The following GP2 variants were observed in gnomAD, a reference collection of about 807,000 sequenced individuals.
The protein encoded by GP2 is pancreatic secretory granule membrane major glycoprotein GP2.
In GP2, 58 loss-of-function variants were observed where a neutral mutation model predicts 60.8. That is an observed-to-expected ratio of 0.95 (90% CI 0.77 to 1.19). The LOEUF is 1.19. Ranked by LOEUF, GP2 falls within the 50% of genes most tolerant of loss-of-function variation. GP2 has a pLI of 0.00. For synonymous variants in GP2, 280 were observed against 253.4 expected (o/e 1.10, Z -1.00); for missense variants, 647 against 667.4 (o/e 0.97, Z 0.34).
chr16:20,320,389 C>G lies in GP2; in HGVS notation c.731G>C (p.Gly244Ala), dbSNP rs749502475. The stretch of plus-strand genomic sequence containing the variant: ...GTAGGCAATGACCTCCTCCCCCAAA[C>G]CCAGGCCTCCCAGCAAACATTTGTC... Reference protein sequence around the residue: ...KVDKCLLGGLGLGEEVIAYLR... With the variant: ...KVDKCLLGGLALGEEVIAYLR... Residue 244 changes from glycine to alanine, a missense_variant, in exon 5 of 11, where the codon GGT becomes GCT. Transcript: ENST00000302555. 1 of 1,613,898 alleles carries G rather than the reference C, an allele frequency of 6.2e-7. No homozygotes were observed. The highest frequency in any genetic ancestry group is 8.5e-7 in the Non-Finnish European group (1 of 1,179,776).
intron 2 of GP2, among the ~76,000 whole-genome samples, chr16:20,325,596 A>G (rs1292430395): frequency 1.3e-5 from 2 of 152,212 alleles, no homozygotes; most frequent in African/African-American, 4.8e-5. Flanking sequence ...ACCAGGGTCA[A>G]GCTAATTGTC....
intron 7 of GP2, among the ~76,000 whole-genome samples, chr16:20,317,894 T>C (rs1434319200): frequency 6.6e-6 from 1 of 152,228 alleles, no homozygotes; most frequent in East Asian, 1.9e-4. Context: ...TGACCAGTGT[T>C]CACTTCTGTG....
rs890287918 is a variant in GP2 at position 20,311,273 on chromosome 16, C to G, written c.1555G>C (p.Val519Leu). The change falls in exon 11 of 11, where the codon GTG becomes CTG. Residue 519 changes from valine to leucine, a missense_variant. Physicochemically the swap from Val to Leu is conservative, Grantham distance 32 (BLOSUM62 1). Coordinates refer to ENST00000302555, the MANE Select transcript of GP2 (RefSeq NM_001502.4). ...NGTPSTAGFLVAWPMVLLTVL... is the reference protein window; with the variant it reads ...NGTPSTAGFLLAWPMVLLTVL... ...GTCAGGAGGACCATAGGCCAGGCCA[C>G]CAGGAACCCTGAAATACAAGAAATA... The G allele has an allele frequency of 6.2e-7, 1 of 1,603,420 alleles. No homozygotes were observed. The highest frequency in any genetic ancestry group is 8.5e-7 in the Non-Finnish European group (1 of 1,170,482).
intron 1 of GP2, 89 bp from the exon 2 acceptor site, chr16:20,326,556 A>G (rs1964541023): frequency 2.8e-6 from 3 of 1,068,038 alleles, no homozygotes; most frequent in Admixed American, 2.6e-5. Flanking sequence ...AAAGAGCTGC[A>G]TTGTTTCAAA....
At chr16:20,321,856 G>A (rs1964368069) in intron 4 of GP2, among the ~76,000 whole-genome samples, 1 of 152,160 alleles carries the variant, frequency 6.6e-6, no homozygotes, top group Non-Finnish European at 1.5e-5. Flanking sequence ...CTTGAGGCAG[G>A]CCACCTGCTC....
chr16:20,323,567 C>T (rs1335990985), intron 3 of GP2: 5 of 573,254 alleles, frequency 8.7e-6, no homozygotes, highest in South Asian at 6.3e-5. Flanking sequence ...AAAATCGGAA[C>T]GAGCATGAGT....
intron 9 of GP2, 72 bp from the exon 10 acceptor site, chr16:20,314,773 G>T (rs1313135821): frequency 2.9e-6 from 3 of 1,042,310 alleles, no homozygotes; most frequent in Admixed American, 3.4e-5. Context: ...GGCCATAACT[G>T]CTTCACATCC....
In GP2 at chr16:20,311,144, G is replaced by A. The variant is rs1225972298; in HGVS notation, c.*79C>T. ...TAATACCAAGCCTGTGTGAATTGGA[G>A]TGGAAAGCAGAAGTGCTGAAGGGAG... On this transcript the variant is annotated 3_prime_UTR_variant, in exon 11 of 11. Transcript: ENST00000302555. The A allele has an allele frequency of 2.3e-6, 2 of 868,446 alleles. No homozygotes were observed. Among genetic ancestry groups the A allele is most frequent in the East Asian group, 2.4e-5 (1 of 41,274 alleles). The allele number at this position is 868,446 out of a possible 1,614,324, so 53.8% of individuals were successfully genotyped here. A position where few individuals can be genotyped will look rare whatever the true frequency, so the allele number is the denominator to read the frequency against.
In GP2 at chr16:20,326,367, A is replaced by G. The variant is rs1964534696; in HGVS notation, c.65T>C (p.Ile22Thr). 1 of 1,613,738 alleles carries G rather than the reference A, an allele frequency of 6.2e-7. No individual in the cohort carries two copies. The highest frequency in any genetic ancestry group is 1.3e-5 in the African/African-American group (1 of 74,926). Reference protein sequence around the residue: ...GLLWLALVSCILTQASAVQRG... With the variant: ...GLLWLALVSCTLTQASAVQRG... The stretch of plus-strand genomic sequence containing the variant: ...CTGCACTGCAGATGCCTGGGTCAGA[A>G]TGCAGGAGACCAAGGCCAGCCACAG... Residue 22 changes from isoleucine (I) to threonine (T), a missense_variant, in exon 2 of 11, where the codon ATT (isoleucine) becomes ACT (threonine). Transcript: ENST00000302555.
intron 9 of GP2, among the ~76,000 whole-genome samples, 162 bp from the exon 10 acceptor site, chr16:20,314,863 T>C (rs146978365): frequency 0.013 from 2,035 of 152,284 alleles, 27 homozygotes; most frequent in Non-Finnish European, 0.018. Context: ...CAGGCACCTT[T>C]CTAGACACTT....
At chr16:20,327,313 A>G in intron 1 of GP2, 154 bp downstream of exon 1, 1 of 384,084 alleles carries the variant, frequency 2.6e-6, no homozygotes, top group South Asian at 2.1e-5. Flanking sequence ...TGAGTTGGAC[A>G]TAGAGTGGTA....
In GP2 at chr16:20,311,213, A is replaced by T. The variant is rs1963984684; in HGVS notation, c.*10T>A. 6.3e-7 allele frequency: 1 copy of T among 1,591,904 alleles called. No homozygotes were observed. The highest frequency in any genetic ancestry group is 8.6e-7 in the Non-Finnish European group (1 of 1,159,768). The stretch of plus-strand genomic sequence containing the variant: ...ACACAAACTTCAAGGCCAGATGCTC[A>T]GCGGAGCTCTCAGAACAGCCAAGCC... On this transcript the variant is annotated 3_prime_UTR_variant, in exon 11 of 11. Transcript: ENST00000302555.
Position 20,326,332 on chromosome 16 carries a change from A to T in GP2, c.94+6T>A. On this transcript the variant is annotated splice_donor_region_variant and intron_variant, in intron 2 of 10. Coordinates refer to ENST00000302555, the MANE Select transcript of GP2 (RefSeq NM_001502.4). Reference sequence around the variant, plus strand: ...ATCTGAGATGCCAGGTGAGCAGAATACTTACCTCGCTGCACTGCAGATGCC... The same window carrying T: ...ATCTGAGATGCCAGGTGAGCAGAATTCTTACCTCGCTGCACTGCAGATGCC... 1 of 1,613,370 alleles carries T rather than the reference A, an allele frequency of 6.2e-7. No individual in the cohort carries two copies. Among genetic ancestry groups the T allele is most frequent in the Non-Finnish European group, 8.5e-7 (1 of 1,179,326 alleles).
chr16:20,326,571 G>T, intron 1 of GP2, 104 bp from the exon 2 acceptor site: 1 of 938,456 alleles, frequency 1.1e-6, no homozygotes, highest in Non-Finnish European at 1.6e-6. Flanking sequence ...TTCAAAGTAG[G>T]TGTGACTTAT....
Position 20,310,847 on chromosome 16 carries a change from C to T in GP2, c.*376G>A, listed in dbSNP as rs568863711. On this transcript the variant is annotated 3_prime_UTR_variant, in exon 11 of 11. Coordinates refer to ENST00000302555, the MANE Select transcript of GP2 (RefSeq NM_001502.4). Reference sequence around the variant, plus strand: ...TCTCAACTCACTGCAACCTCCACCCCCTGAGTTCGAGCAATTCTCCTGCCT... The same window carrying T: ...TCTCAACTCACTGCAACCTCCACCCTCTGAGTTCGAGCAATTCTCCTGCCT... The T allele has an allele frequency of 6.5e-5, 12 of 183,324 alleles. 1 individual carries two copies. The South Asian group carries it at 9.7e-4, about 15-fold the overall frequency. The allele number at this position is 183,324 out of a possible 1,614,324, so 11.4% of individuals were successfully genotyped here. A position where few individuals can be genotyped will look rare whatever the true frequency, so the allele number is the denominator to read the frequency against.
rs1248934976 is a variant in GP2, at chr16:20,311,100, AGCTTGGCCTT to A, written c.*113_*122del. 11 of 677,024 alleles carry A rather than the reference AGCTTGGCCTT, an allele frequency of 1.6e-5. No homozygotes were observed. Among genetic ancestry groups the A allele is most frequent in the Non-Finnish European group, 2.7e-5 (10 of 371,386 alleles). 41.9% of individuals were successfully genotyped at this position (677,024 alleles called of 1,614,324 possible). ...GAAAGCTCTTCCCTTTTCCTAACCT[AGCTTGGCCTT>A]GATTCTATTAATACCAAGCCTGTGT... is the stretch of plus-strand genomic sequence containing the variant. On this transcript the variant is annotated 3_prime_UTR_variant, in exon 11 of 11. Coordinates refer to ENST00000302555, the MANE Select transcript of GP2 (RefSeq NM_001502.4).
At chr16:20,315,653 G>C (rs1005256874) in intron 9 of GP2, among the ~76,000 whole-genome samples, 2 of 152,166 alleles carry the variant, frequency 1.3e-5, no homozygotes, top group Non-Finnish European at 2.9e-5. Context: ...TGAGTAGGGG[G>C]ATCTTGGGCG....
At chr16:20,324,463 A>G (rs985072798) in intron 2 of GP2, among the ~76,000 whole-genome samples, 1 of 152,232 alleles carries the variant, frequency 6.6e-6, no homozygotes, top group Non-Finnish European at 1.5e-5. Context: ...CATTGAGGAC[A>G]TCAGGGCTAC....
At chr16:20,317,506 C>G (rs1964223120) in intron 7 of GP2, 131 bp from the exon 8 acceptor site, 2 of 680,244 alleles carry the variant, frequency 2.9e-6, no homozygotes, top group Non-Finnish European at 5.0e-6. Flanking sequence ...AAGATGTTAT[C>G]CATAAGCGCA....
Sources: gnomAD v4.1 joint callset for allele counts (sites outside exome capture counted in the v4.1 genomes callset) on GRCh38, gnomAD v4.1.1 for gene constraint, MANE v1.5 for transcripts, NCBI Gene and HGNC (gene_info 2026-07-23, HGNC 2026-07-21) for gene names.